CNTN5: variants seen among roughly 807,000 people sequenced by gnomAD.
CNTN5 encodes contactin 5.
A neutral mutation model predicts 129.1 loss-of-function variants in CNTN5; 77 were observed. The observed-to-expected ratio is 0.60, with a 90% CI of 0.50 to 0.72. The LOEUF is 0.72. Ranked by LOEUF, CNTN5 falls within the 30% of genes least tolerant of loss-of-function variation. CNTN5 has a pLI of 0.00. For synonymous variants in CNTN5, 509 were observed against 465.6 expected, an observed-to-expected ratio of 1.09 and a Z score of -1.20; for missense variants, 1,478 against 1,328.8, an observed-to-expected ratio of 1.11 and a Z score of -1.75.
chr11:99,093,430 T>G (rs1866336561), intron 1 of CNTN5, among the ~76,000 whole-genome samples: 1 of 147,190 alleles, frequency 6.8e-6, no homozygotes, highest in South Asian at 2.1e-4. Flanking sequence ...GAAAATGTGT[T>G]GCTATTGTTT....
At chr11:99,426,386 A>G (rs1399313749) in intron 2 of CNTN5, among the ~76,000 whole-genome samples, 3 of 152,240 alleles carry the variant, frequency 2.0e-5, no homozygotes, top group Non-Finnish European at 4.4e-5. Context: ...TCTTTTAGAA[A>G]GGAGACTCAC....
intron 4 of CNTN5, 123 bp downstream of exon 4, chr11:99,819,888 A>G: frequency 1.4e-6 from 1 of 692,622 alleles, no homozygotes; most frequent in South Asian, 1.9e-5. Flanking sequence ...CAACTCTGCT[A>G]AAAATGAAAG....
At chr11:100,007,907 A>C (rs1940292479) in intron 9 of CNTN5, among the ~76,000 whole-genome samples, 1 of 151,908 alleles carries the variant, frequency 6.6e-6, no homozygotes, top group Non-Finnish European at 1.5e-5. Context: ...AAACTGACAG[A>C]TGTGCTGCTC....
At chr11:99,594,480 C>A (rs555247749) in intron 3 of CNTN5, among the ~76,000 whole-genome samples, 22 of 152,280 alleles carry the variant, frequency 1.4e-4, no homozygotes, top group African/African-American at 5.1e-4. Flanking sequence ...TGCAGTTGTT[C>A]TTCACCTGTG....
chr11:99,575,023 G>A (rs1476400020), intron 3 of CNTN5, among the ~76,000 whole-genome samples: 1 of 152,114 alleles, frequency 6.6e-6, no homozygotes, highest in Non-Finnish European at 1.5e-5. Context: ...GGACTTTGGA[G>A]AAGTCATTAT....
chr11:99,291,893 A>T (rs2135921667), intron 1 of CNTN5, among the ~76,000 whole-genome samples: 1 of 152,204 alleles, frequency 6.6e-6, no homozygotes, highest in Admixed American at 6.5e-5. Context: ...GAGAAGAAAG[A>T]ATGCAAATAA....
At chr11:99,101,742 G>A (rs1409809450) in intron 1 of CNTN5, among the ~76,000 whole-genome samples, 1 of 152,176 alleles carries the variant, frequency 6.6e-6, no homozygotes, top group African/African-American at 2.4e-5. Context: ...GATAGAGCCT[G>A]CCTCCCAACC....
At chr11:99,820,577 A>G (rs1385193981) in intron 4 of CNTN5, among the ~76,000 whole-genome samples, 6 of 11,380 alleles carry the variant, frequency 5.3e-4, no homozygotes, top group Admixed American at 2.6e-3. Flanking sequence ...TGCCTGGTTC[A>G]TTAACAGCAG....
intron 7 of CNTN5, among the ~76,000 whole-genome samples, chr11:99,955,988 A>C (rs555685978): frequency 6.6e-6 from 1 of 152,300 alleles, no homozygotes; most frequent in Non-Finnish European, 1.5e-5. Context: ...ATTCCTTCAG[A>C]CTTGTTTTAT....
intron 2 of CNTN5, among the ~76,000 whole-genome samples, chr11:99,392,749 G>T (rs921884470): frequency 6.6e-6 from 1 of 151,726 alleles, no homozygotes; most frequent in African/African-American, 2.4e-5. Context: ...TATACTAAAA[G>T]GTTGCCATGA....
intron 2 of CNTN5, among the ~76,000 whole-genome samples, chr11:99,359,359 C>T (rs1245770257): frequency 2.0e-5 from 3 of 151,968 alleles, no homozygotes; most frequent in Admixed American, 1.3e-4. Flanking sequence ...GGGCAGAGTC[C>T]TCATGACCGA....
chr11:99,691,106 G>A (rs922309406), intron 3 of CNTN5, among the ~76,000 whole-genome samples: 8 of 151,422 alleles, frequency 5.3e-5, no homozygotes, highest in East Asian at 3.9e-4. Context: ...TAGTAATATG[G>A]CCATTATTGT....
At chr11:99,914,586 T>C (rs1949741101) in intron 6 of CNTN5, among the ~76,000 whole-genome samples, 1 of 152,138 alleles carries the variant, frequency 6.6e-6, no homozygotes, top group African/African-American at 2.4e-5. Context: ...CTGAAGTTAG[T>C]GTATATATTT....
chr11:99,638,171 G>T (rs760512576), intron 3 of CNTN5, among the ~76,000 whole-genome samples: 21 of 152,088 alleles, frequency 1.4e-4, no homozygotes, highest in Non-Finnish European at 2.9e-4. Context: ...TGTACATGGT[G>T]GTGGCAAGAG....
intron 3 of CNTN5, among the ~76,000 whole-genome samples, chr11:99,740,227 C>T (rs1943845719): frequency 6.6e-6 from 1 of 151,888 alleles, no homozygotes; most frequent in Middle Eastern, 3.2e-3. Flanking sequence ...GTAGCTTTTC[C>T]TTCTCTAAAG....
In CNTN5 at chr11:100,342,152, G is replaced by GACACACACACACACACACACAC. The variant is rs3220443; in HGVS notation, c.3030+957_3030+978dup. The stretch of plus-strand genomic sequence containing the variant: ...CCTACTGTAATTAGGATAGATCACA[G>GACACACACACACACACACACAC]ACACACACACACACACACACACACA... On this transcript the variant is annotated intron_variant, in intron 23 of 24. Transcript: ENST00000524871. 3.1e-4 allele frequency among the ~76,000 whole-genome samples: 45 copies of GACACACACACACACACACACAC among 147,006 alleles called. 1 individual carries two copies. Among genetic ancestry groups the GACACACACACACACACACACAC allele is most frequent in the African/African-American group, 1.1e-3 (43 of 39,664 alleles).
At chr11:99,877,749 AT>A (rs1475146785) in intron 6 of CNTN5, among the ~76,000 whole-genome samples, 1 of 152,238 alleles carries the variant, frequency 6.6e-6, no homozygotes, top group East Asian at 1.9e-4. Flanking sequence ...CTGCATTTGC[AT>A]TATAGGTTTT....
chr11:100,219,369 A>G (rs1462829349), intron 15 of CNTN5, among the ~76,000 whole-genome samples: 1 of 152,240 alleles, frequency 6.6e-6, no homozygotes, highest in Non-Finnish European at 1.5e-5. Context: ...AACTTTTGCC[A>G]TCAGATTGAA....
In CNTN5 at chr11:99,220,933, A is replaced by T. The variant is rs567328657; in HGVS notation, c.-209-104413A>T. 1.5e-4 allele frequency among the ~76,000 whole-genome samples: 23 copies of T among 150,032 alleles called. 1 individual carries two copies. In the South Asian group the frequency reaches 4.9e-3, roughly 32 times the overall value. On this transcript the variant is annotated intron_variant, in intron 1 of 24. Coordinates refer to ENST00000524871, the MANE Select transcript of CNTN5 (RefSeq NM_014361.4). ...TAAGTGGGTTGTCCAATGCAGAAGC[A>T]GAAGAAAACCATTTCTGGAATTGCC...
Sources: allele counts gnomAD v4.1 joint callset (sites outside exome capture counted in the v4.1 genomes callset), GRCh38; gene constraint gnomAD v4.1.1; transcripts MANE v1.5; gene names NCBI Gene and HGNC (gene_info 2026-07-23, HGNC 2026-07-21).